The following SPATA6L variants were observed in gnomAD, a reference collection of about 807,000 sequenced individuals.
SPATA6L encodes spermatogenesis associated 6 like.
In SPATA6L, 68 loss-of-function variants were observed where a neutral mutation model predicts 49.2. The observed-to-expected ratio is 1.38, with a 90% CI of 1.14 to 1.69. SPATA6L has a LOEUF of 1.69. SPATA6L is among the 40% of genes most tolerant of loss of function. The pLI is 0.00. For missense variants in SPATA6L, 668 were observed against 464.3 expected, an observed-to-expected ratio of 1.44 and a Z score of -4.03; for synonymous variants, 198 against 165.7, an observed-to-expected ratio of 1.19 and a Z score of -1.50.
At chr9:4,635,463 A>G in intron 3 of SPATA6L, 64 bp from the exon 4 acceptor site, 1 of 1,498,960 alleles carries the variant, frequency 6.7e-7, no homozygotes, top group Admixed American at 2.7e-5. Context: ...ACAAAATAAA[A>G]GTTCAGGCAG....
At chr9:4,631,481 A>G (rs1251396260) in intron 4 of SPATA6L, among the ~76,000 whole-genome samples, 1 of 151,890 alleles carries the variant, frequency 6.6e-6, no homozygotes, top group Non-Finnish European at 1.5e-5. Flanking sequence ...TAGATGAGAC[A>G]GTAATATTAT....
rs1830150960 is a variant in SPATA6L, at chr9:4,625,401, G to T, written c.595C>A (p.Gln199Lys). The change falls in exon 6 of 12, where the codon CAG (glutamine) becomes AAG (lysine). Residue 199 changes from glutamine to lysine, a missense_variant. Coordinates refer to ENST00000682582, the MANE Select transcript of SPATA6L (RefSeq NM_001353486.2). ...QYSTRHFFQDQPAQLNLGNNF... is the reference protein window; with the variant it reads ...QYSTRHFFQDKPAQLNLGNNF... Reference sequence around the variant, plus strand: ...TTTCCAAGGTTCAACTGAGCTGGCTGGTCCTGGAAGAAATGCCTGGTAGAA... The same window carrying T: ...TTTCCAAGGTTCAACTGAGCTGGCTTGTCCTGGAAGAAATGCCTGGTAGAA... 1 of 1,613,990 alleles carries T rather than the reference G, an allele frequency of 6.2e-7. No homozygotes were observed. The highest frequency in any genetic ancestry group is 1.7e-5 in the Admixed American group (1 of 59,998).
chr9:4,657,284 G>C (rs1838499195), intron 2 of SPATA6L, among the ~76,000 whole-genome samples: 1 of 152,174 alleles, frequency 6.6e-6, no homozygotes, highest in Non-Finnish European at 1.5e-5. Flanking sequence ...ATGTGGGTAA[G>C]TGGGGTTTTT....
chr9:4,621,311 C>T (rs1466554215), intron 7 of SPATA6L, among the ~76,000 whole-genome samples: 1 of 152,198 alleles, frequency 6.6e-6, no homozygotes, highest in African/African-American at 2.4e-5. Flanking sequence ...CAGGGATCTC[C>T]CCCAGGGGTA....
chr9:4,657,955 C>A (rs900827640), intron 2 of SPATA6L, among the ~76,000 whole-genome samples: 1 of 152,086 alleles, frequency 6.6e-6, no homozygotes, highest in African/African-American at 2.4e-5. Context: ...TTCCCCCACC[C>A]CCAATTTTTT....
chr9:4,659,971 A>G (rs1406872464), intron 2 of SPATA6L, among the ~76,000 whole-genome samples: 2 of 152,240 alleles, frequency 1.3e-5, no homozygotes, highest in Non-Finnish European at 2.9e-5. Context: ...AAAACTGGCT[A>G]ACCATATGTA....
rs768414371 is a variant in SPATA6L at position 4,635,256 on chromosome 9, A to G, written c.351+19T>C. ...AGTTTCTCTCCTAATAGAAGCCCAG[A>G]TGAGCATGAATCACTTACTGGAAAA... On this transcript the variant is annotated intron_variant, in intron 4 of 11. Coordinates refer to ENST00000682582, the MANE Select transcript of SPATA6L (RefSeq NM_001353486.2). 2 of 1,503,136 alleles carry G rather than the reference A, an allele frequency of 1.3e-6. No homozygotes were observed. Among genetic ancestry groups the G allele is most frequent in the Admixed American group, 2.8e-5 (1 of 36,082 alleles). The allele number at this position is 1,503,136 out of a possible 1,614,324, so 93.1% of individuals were successfully genotyped here. A position where few individuals can be genotyped will look rare whatever the true frequency, so the allele number is the denominator to read the frequency against.
At chr9:4,640,993 A>G (rs1364197556) in intron 3 of SPATA6L, among the ~76,000 whole-genome samples, 1 of 152,218 alleles carries the variant, frequency 6.6e-6, no homozygotes, top group Non-Finnish European at 1.5e-5. Flanking sequence ...TGAAAAACAT[A>G]TAGCACTCCA....
At chr9:4,665,092 T>C (rs1257687078) in intron 1 of SPATA6L, 1 of 167,124 alleles carries the variant, frequency 6.0e-6, no homozygotes, top group Non-Finnish European at 1.5e-5. Flanking sequence ...GAATTCTCTG[T>C]TTTAGTTGCT....
intron 9 of SPATA6L, among the ~76,000 whole-genome samples, chr9:4,609,393 C>T (rs1826106091): frequency 6.6e-6 from 1 of 151,960 alleles, no homozygotes; most frequent in Admixed American, 6.6e-5. Flanking sequence ...TGCAAAATTC[C>T]CCAAAAAATA....
At chr9:4,628,952 A>G in intron 5 of SPATA6L, 139 bp downstream of exon 5, 2 of 640,774 alleles carry the variant, frequency 3.1e-6, no homozygotes, top group Non-Finnish European at 2.7e-6. Flanking sequence ...TTATAGAAAT[A>G]CAAACCTAGT....
intron 3 of SPATA6L, among the ~76,000 whole-genome samples, chr9:4,649,088 CACACACAT>C (rs1221226497): frequency 8.1e-6 from 1 of 123,100 alleles, no homozygotes; most frequent in African/African-American, 3.4e-5. Context: ...CACACACACA[CACACACAT>C]ATCACAGTTT....
rs558930488 is a variant in SPATA6L at position 4,611,717 on chromosome 9, G to A, written c.995+6206C>T. On this transcript the variant is annotated intron_variant, in intron 9 of 11. Coordinates refer to ENST00000682582, the MANE Select transcript of SPATA6L (RefSeq NM_001353486.2). Reference sequence around the variant, plus strand: ...AATGCTAGATGACGAGTTAGTGGGTGCAGCGCACCAGCGTGGCACATGTAT... The same window carrying A: ...AATGCTAGATGACGAGTTAGTGGGTACAGCGCACCAGCGTGGCACATGTAT... Among the ~76,000 whole-genome samples, 3 of 151,524 alleles carry A rather than the reference G, an allele frequency of 2.0e-5. No homozygotes were observed. The East Asian group carries it at 5.8e-4, about 29-fold the overall frequency.
chr9:4,650,660 TTTTG>T (rs1393230948), intron 3 of SPATA6L, among the ~76,000 whole-genome samples: 10 of 152,090 alleles, frequency 6.6e-5, no homozygotes, highest in South Asian at 2.1e-4. Context: ...AGAAATAATT[TTTTG>T]TTTGTTTGTT....
chr9:4,588,863 C>A (rs978084729), exon 14 of SPATA6L: 1 of 152,128 alleles, frequency 6.6e-6, no homozygotes, highest in African/African-American at 2.4e-5. Flanking sequence ...TAAAGCATAC[C>A]CTGATTCTTA....
intron 13 of SPATA6L, among the ~76,000 whole-genome samples, chr9:4,590,936 G>A (rs964009790): frequency 7.9e-5 from 12 of 152,254 alleles, no homozygotes; most frequent in Admixed American, 2.6e-4. Context: ...GCACAATGTC[G>A]CATCATCTTC....
downstream of SPATA6L, among the ~76,000 whole-genome samples, chr9:4,595,683 G>A (rs1233867329): frequency 6.6e-6 from 1 of 151,986 alleles, no homozygotes; most frequent in East Asian, 1.9e-4. Context: ...TAAGTTCTGG[G>A]CCTCCAACAC....
At chr9:4,663,092 G>C in intron 1 of SPATA6L, 4 of 1,614,092 alleles carry the variant, frequency 2.5e-6, no homozygotes, top group Non-Finnish European at 1.7e-6. Context: ...GGGTGCTGGT[G>C]GTTCTGTGGG....
intron 9 of SPATA6L, among the ~76,000 whole-genome samples, chr9:4,607,531 A>C (rs1483702341): frequency 6.6e-6 from 1 of 152,224 alleles, no homozygotes; most frequent in Non-Finnish European, 1.5e-5. Context: ...AGAATGTCAT[A>C]TCCAGCCAAA....
Sources: allele counts gnomAD v4.1 joint callset (sites outside exome capture counted in the v4.1 genomes callset), GRCh38; gene constraint gnomAD v4.1.1; transcripts MANE v1.5; gene names NCBI Gene and HGNC (gene_info 2026-07-23, HGNC 2026-07-21).